E2F3: variants seen among roughly 807,000 people sequenced by gnomAD.
E2F3 encodes the protein transcription factor E2F3.
Under a neutral mutation model 44.4 loss-of-function variants are expected in E2F3, and 11 were observed. That is an observed-to-expected ratio of 0.25 (90% confidence interval 0.16 to 0.41). E2F3 has a LOEUF of 0.41. Among genes scored for constraint, E2F3 ranks in the 10% least tolerant of loss-of-function variants. The pLI is 1.00. For missense variants in E2F3, 487 were observed against 583.6 expected (o/e 0.83, Z 1.70); for synonymous variants, 249 against 253.0 (o/e 0.98, Z 0.15).
At chr6:20,465,003 A>T (rs992259035) in intron 1 of E2F3, among the ~76,000 whole-genome samples, 1 of 152,186 alleles carries the variant, frequency 6.6e-6, no homozygotes, top group Non-Finnish European at 1.5e-5. Flanking sequence ...AGCTTTGATC[A>T]TCCTAGCAAT....
intron 1 of E2F3, among the ~76,000 whole-genome samples, chr6:20,454,780 G>T (rs1027650834): frequency 1.3e-5 from 2 of 152,094 alleles, no homozygotes; most frequent in Admixed American, 1.3e-4. Context: ...TGTTAGCCAC[G>T]CCATAATGGT....
intron 1 of E2F3, among the ~76,000 whole-genome samples, chr6:20,404,762 C>T (rs910781493): frequency 1.3e-5 from 2 of 152,170 alleles, no homozygotes; most frequent in African/African-American, 2.4e-5. Flanking sequence ...AGGGGGGAAA[C>T]GGAGCACAGT....
intron 1 of E2F3, among the ~76,000 whole-genome samples, chr6:20,449,071 C>T (rs949664387): frequency 2.2e-4 from 33 of 152,172 alleles, no homozygotes; most frequent in Admixed American, 2.2e-3. Context: ...TATTGCTTGA[C>T]TCGTATTTAC....
rs77170061 is a variant in E2F3, at chr6:20,475,074, A to G, written c.394-4772A>G. On this transcript the variant is annotated intron_variant, in intron 1 of 6. Coordinates refer to ENST00000346618, the MANE Select transcript of E2F3 (RefSeq NM_001949.5). ...GCTGCCCCTTCTTCACACCTCACTT[A>G]TTTCTGGCGTGGCTTTTGGACCTAG... 5.6e-4 allele frequency among the ~76,000 whole-genome samples: 85 copies of G among 152,190 alleles called. No individual in the cohort carries two copies. In the East Asian group the frequency reaches 0.012, roughly 22 times the overall value.
In E2F3 at chr6:20,402,154, A is replaced by G; in HGVS notation, c.-79A>G. On this transcript the variant is annotated 5_prime_UTR_variant, in exon 1 of 7. Transcript: ENST00000346618. The surrounding 1 kb of genome is among the most constrained non-coding windows in gnomAD (Gnocchi z 5.6). ...GAGGAGAGAAGGAGGAGAGACTTGG[A>G]AACTCCGACTGCAAATAATAAAGAA... is the stretch of plus-strand genomic sequence containing the variant. 6.8e-7 allele frequency: 1 copy of G among 1,470,012 alleles called. No homozygotes were observed. The allele number at this position is 1,470,012 out of a possible 1,614,324, so 91.1% of individuals were successfully genotyped here.
chr6:20,420,134 A>G (rs1320144498), intron 1 of E2F3, among the ~76,000 whole-genome samples: 2 of 151,924 alleles, frequency 1.3e-5, no homozygotes, highest in Non-Finnish European at 2.9e-5. Flanking sequence ...TACCACCACC[A>G]CCGCTACTAT....
At chr6:20,445,858 T>G (rs926438682) in intron 1 of E2F3, among the ~76,000 whole-genome samples, 1 of 152,248 alleles carries the variant, frequency 6.6e-6, no homozygotes, top group African/African-American at 2.4e-5. Flanking sequence ...AAGATGATTA[T>G]TTAATCAGTT....
At position 20,482,741 on chromosome 6, in the gene E2F3, AGTCT is replaced by A; in HGVS notation, c.726-18_726-15del. 1 of 1,574,398 alleles carries A rather than the reference AGTCT, an allele frequency of 6.4e-7. No individual in the cohort carries two copies. The highest frequency in any genetic ancestry group is 8.6e-7 in the Non-Finnish European group (1 of 1,161,340). On this transcript the variant is annotated splice_polypyrimidine_tract_variant and intron_variant, in intron 3 of 6. Transcript: ENST00000346618. ...CTCCCTCCCATGAGTAGCCATGAAGAGTCTGTGTTTGGGTTTCTAGGGGCTGCAG... is the reference window on the plus strand; with the variant it reads ...CTCCCTCCCATGAGTAGCCATGAAGAGTGTTTGGGTTTCTAGGGGCTGCAG...
At position 20,402,889 on chromosome 6, in the gene E2F3, G is replaced by C. The variant is rs1456390151; in HGVS notation, c.393+264G>C. Reference sequence around the variant, plus strand: ...ATCAAACACTCCAAAACTTTTCGCGGCCCCCCCTTCTTTTCCTGCACTTTT... The same window carrying C: ...ATCAAACACTCCAAAACTTTTCGCGCCCCCCCCTTCTTTTCCTGCACTTTT... On this transcript the variant is annotated intron_variant, in intron 1 of 6. Transcript: ENST00000346618. The surrounding 1 kb of genome is among the most constrained non-coding windows in gnomAD (Gnocchi z 5.6). Among the ~76,000 whole-genome samples the C allele has an allele frequency of 6.6e-6, 1 of 152,104 alleles. No individual in the cohort carries two copies. The highest frequency in any genetic ancestry group is 1.5e-5 in the Non-Finnish European group (1 of 68,008).
At position 20,490,172 on chromosome 6, in the gene E2F3, G is replaced by C. The variant is rs767598871; in HGVS notation, c.1140G>C (p.Leu380Phe). The C allele has an allele frequency of 6.4e-7, 1 of 1,560,274 alleles. No individual in the cohort carries two copies. The highest frequency in any genetic ancestry group is 1.4e-5 in the African/African-American group (1 of 72,516). ...CCATCAATGTTTTCTTTTCAGACTT[G>C]GCTTCAACCAACTCAGGACATAGCG... The part of the protein sequence containing the change: ...GNIPKPASKD[L>F]ASTNSGHSDC... The change falls in exon 7 of 7, where the codon TTG becomes TTC. Residue 380 changes from leucine (L) to phenylalanine (F), a missense_variant. By Grantham distance (22) the Leu-to-Phe change is conservative. Around this residue, in one of 3 missense-constraint regions of E2F3, gnomAD observed 220 missense variants for 261.7 expected, o/e 0.84. Coordinates refer to ENST00000346618, the MANE Select transcript of E2F3 (RefSeq NM_001949.5). The surrounding 1 kb of genome is among the most constrained non-coding windows in gnomAD (Gnocchi z 4.3).
chr6:20,415,328 G>T (rs1759809431), intron 1 of E2F3, among the ~76,000 whole-genome samples: 1 of 152,220 alleles, frequency 6.6e-6, no homozygotes, highest in African/African-American at 2.4e-5. Context: ...GGGGACAAAG[G>T]AGGCTTCAGG....
intron 1 of E2F3, among the ~76,000 whole-genome samples, chr6:20,417,816 G>C (rs1402794405): frequency 6.6e-6 from 1 of 151,966 alleles, no homozygotes; most frequent in African/African-American, 2.4e-5. Flanking sequence ...AAGATTACCA[G>C]GTTCTGTTAT....
intron 1 of E2F3, among the ~76,000 whole-genome samples, chr6:20,475,657 A>G (rs1762021032): frequency 6.6e-6 from 1 of 152,194 alleles, no homozygotes; most frequent in African/African-American, 2.4e-5. Context: ...GCATGCTACC[A>G]TGCTGGGCTA....
chr6:20,441,090 T>C (rs1760756963), intron 1 of E2F3, among the ~76,000 whole-genome samples: 1 of 152,228 alleles, frequency 6.6e-6, no homozygotes, highest in African/African-American at 2.4e-5. Flanking sequence ...TACAATGTTA[T>C]GCAAGCATCA....
chr6:20,487,886 A>G (rs1305673864), intron 5 of E2F3, among the ~76,000 whole-genome samples: 1 of 152,226 alleles, frequency 6.6e-6, no homozygotes. Flanking sequence ...CTCTCTTCCA[A>G]TAAAACTTTA....
chr6:20,475,018 C>A (rs2127617142), intron 1 of E2F3, among the ~76,000 whole-genome samples: 2 of 152,318 alleles, frequency 1.3e-5, no homozygotes, highest in Admixed American at 1.3e-4. Flanking sequence ...TAAGTCCACC[C>A]CAAGTTCCAC....
intron 1 of E2F3, among the ~76,000 whole-genome samples, chr6:20,436,494 GAA>G (rs71767470): frequency 0.33 from 47,898 of 146,992 alleles, 9,060 homozygotes; most frequent in East Asian, 0.65. Flanking sequence ...GAGAGAGAGA[GAA>G]AAATTTTGTA....
At chr6:20,437,768 G>A (rs921586314) in intron 1 of E2F3, 3 of 152,174 alleles carry the variant, frequency 2.0e-5, no homozygotes, top group African/African-American at 7.2e-5. Flanking sequence ...AGCTTGATGT[G>A]AAGGGACTTG....
chr6:20,404,719 C>T (rs1179764060), intron 1 of E2F3, among the ~76,000 whole-genome samples: 3 of 152,082 alleles, frequency 2.0e-5, no homozygotes. Context: ...GTCAAAGAAG[C>T]TCATCGTTTT....
Sources: allele counts gnomAD v4.1 joint callset (sites outside exome capture counted in the v4.1 genomes callset), GRCh38; gene constraint gnomAD v4.1.1; regional missense constraint gnomAD v4.1.1; non-coding constraint Gnocchi (gnomAD v3.1); transcripts MANE v1.5; gene names NCBI Gene and HGNC (gene_info 2026-07-23, HGNC 2026-07-21).